ERC1: variants seen among roughly 807,000 people sequenced by gnomAD.
ERC1 encodes RAB6 interacting protein 2.
Under a neutral mutation model 132.0 loss-of-function variants are expected in ERC1, and 56 were observed. That is an observed-to-expected ratio of 0.42 (90% confidence interval 0.34 to 0.53). The LOEUF is 0.53. Ranked by LOEUF, ERC1 falls within the 20% of genes least tolerant of loss-of-function variation. The probability of loss-of-function intolerance (pLI) is 0.03; values close to 1 mark genes in which losing one functional copy is unlikely to be tolerated. For missense variants in ERC1, 1,202 were observed against 1,349.9 expected (o/e 0.89, Z 1.72); for synonymous variants, 478 against 476.1 (o/e 1.00, Z -0.05).
chr12:1,080,643 G>T (rs958565442), intron 2 of ERC1, among the ~76,000 whole-genome samples: 1 of 152,148 alleles, frequency 6.6e-6, no homozygotes, highest in African/African-American at 2.4e-5. Context: ...TAAGTCTCAC[G>T]AGATCTGATG....
At chr12:1,322,679 A>C (rs189336152) in intron 15 of ERC1, among the ~76,000 whole-genome samples, 1 of 152,228 alleles carries the variant, frequency 6.6e-6, no homozygotes, top group African/African-American at 2.4e-5. Flanking sequence ...TTCTCACCTG[A>C]TAAAATTTTC....
intron 2 of ERC1, among the ~76,000 whole-genome samples, chr12:1,058,390 C>G (rs1466161487): frequency 6.6e-6 from 1 of 152,018 alleles, no homozygotes; most frequent in African/African-American, 2.4e-5. Flanking sequence ...AGGTAGGGGT[C>G]TAATTTAATT....
intron 3 of ERC1, among the ~76,000 whole-genome samples, chr12:1,093,357 C>G (rs1275711907): frequency 2.6e-5 from 4 of 152,140 alleles, no homozygotes; most frequent in African/African-American, 9.7e-5. Context: ...GGGGACATCT[C>G]TTGGACAAAT....
chr12:1,337,489 A>C (rs1025349553), intron 15 of ERC1, among the ~76,000 whole-genome samples: 15 of 152,114 alleles, frequency 9.9e-5, no homozygotes, highest in African/African-American at 3.1e-4. Flanking sequence ...TTGGTTCTTT[A>C]TCTAGCTTGT....
At chr12:1,326,488 G>T (rs940601173) in intron 15 of ERC1, among the ~76,000 whole-genome samples, 4 of 152,204 alleles carry the variant, frequency 2.6e-5, no homozygotes, top group African/African-American at 9.6e-5. Context: ...TTTTGATCCT[G>T]CCTGATAGTA....
At chr12:1,440,390 T>C (rs1420694129) in intron 17 of ERC1, among the ~76,000 whole-genome samples, 3 of 150,556 alleles carry the variant, frequency 2.0e-5, no homozygotes, top group African/African-American at 2.5e-5. Flanking sequence ...GTATTTTTAG[T>C]AGAGACGGGG....
chr12:1,270,364 C>T (rs1315570498), intron 14 of ERC1, among the ~76,000 whole-genome samples: 13 of 152,202 alleles, frequency 8.5e-5, no homozygotes, highest in East Asian at 3.9e-4. Flanking sequence ...CCCACCACCA[C>T]GCCTGGCTAA....
chr12:1,489,966 T>C (rs1383908758), intron 18 of ERC1, 127 bp from the exon 19 acceptor site: 3 of 1,065,386 alleles, frequency 2.8e-6, no homozygotes, highest in Non-Finnish European at 4.1e-6. Flanking sequence ...ACTTTTCTTA[T>C]GGTTAATTTT....
chr12:1,220,552 G>A (rs1958880973), intron 12 of ERC1, among the ~76,000 whole-genome samples: 1 of 152,098 alleles, frequency 6.6e-6, no homozygotes, highest in African/African-American at 2.4e-5. Context: ...CAATTCTTTT[G>A]TACTTTGTGA....
At position 1,495,806 on chromosome 12, in the gene ERC1, T is replaced by A. The variant is rs963852413; in HGVS notation, c.*5576T>A. On this transcript the variant is annotated 3_prime_UTR_variant, in exon 19 of 19. Transcript: ENST00000360905. ...TGGAGTTGTGTTACTGACAGGATAA[T>A]GACATTACAAAGAAATTGTGTTATA... 3 of 214,954 alleles carry A rather than the reference T, an allele frequency of 1.4e-5. No individual in the cohort carries two copies. Among genetic ancestry groups the A allele is most frequent in the East Asian group, 6.9e-5 (1 of 14,458 alleles). The allele number at this position is 214,954 out of a possible 1,614,324, so 13.3% of individuals were successfully genotyped here. A position where few individuals can be genotyped will look rare whatever the true frequency, so the allele number is the denominator to read the frequency against.
chr12:1,313,081 C>T (rs906040354), intron 15 of ERC1, among the ~76,000 whole-genome samples: 4 of 152,110 alleles, frequency 2.6e-5, no homozygotes, highest in Admixed American at 2.0e-4. Context: ...GCTACAGTGG[C>T]TCCATGATAC....
intron 16 of ERC1, among the ~76,000 whole-genome samples, chr12:1,398,294 T>A (rs1246664258): frequency 6.6e-6 from 1 of 152,148 alleles, no homozygotes; most frequent in East Asian, 1.9e-4. Flanking sequence ...CAAATAGATT[T>A]TAGAGTTCAT....
intron 12 of ERC1, among the ~76,000 whole-genome samples, chr12:1,227,199 C>G (rs574414365): frequency 6.6e-6 from 1 of 152,160 alleles, no homozygotes; most frequent in East Asian, 1.9e-4. Flanking sequence ...TTTAGAGGAA[C>G]CTTCTTACCG....
chr12:1,357,825 A>G (rs1360672024), intron 15 of ERC1, among the ~76,000 whole-genome samples: 1 of 152,204 alleles, frequency 6.6e-6, no homozygotes, highest in East Asian at 1.9e-4. Context: ...TCATCTCTTG[A>G]GGCTCAAGCT....
chr12:1,105,547 T>C (rs375580424), intron 4 of ERC1, among the ~76,000 whole-genome samples: 10 of 151,886 alleles, frequency 6.6e-5, no homozygotes, highest in Non-Finnish European at 1.5e-4. Flanking sequence ...TTAGTAGAGA[T>C]GGGGTTTCAC....
chr12:1,464,431 A>G (rs1592215182), intron 18 of ERC1, among the ~76,000 whole-genome samples: 2 of 152,186 alleles, frequency 1.3e-5, no homozygotes, highest in South Asian at 4.1e-4. Flanking sequence ...ACCAGGTCTA[A>G]ATAAAACTGA....
intron 17 of ERC1, 41 bp from the exon 18 acceptor site, chr12:1,444,521 T>G: frequency 7.0e-7 from 1 of 1,434,368 alleles, no homozygotes; most frequent in Non-Finnish European, 9.6e-7. Context: ...GACCTTGACT[T>G]TCCTCATTTT....
chr12:1,383,421 G>C (rs1362559875), intron 16 of ERC1, among the ~76,000 whole-genome samples: 2 of 140,906 alleles, frequency 1.4e-5, no homozygotes, highest in Non-Finnish European at 3.2e-5. Flanking sequence ...CCAAAAATCT[G>C]TTCCTGCTGC....
intron 2 of ERC1, among the ~76,000 whole-genome samples, chr12:1,068,282 T>C (rs536029783): frequency 8.2e-6 from 1 of 122,556 alleles, no homozygotes; most frequent in Non-Finnish European, 1.9e-5. Context: ...GTTCAAGTTT[T>C]TCATCTTTAC....
Sources: allele counts gnomAD v4.1 joint callset (sites outside exome capture counted in the v4.1 genomes callset), GRCh38; gene constraint gnomAD v4.1.1; transcripts MANE v1.5; gene names NCBI Gene and HGNC (gene_info 2026-07-23, HGNC 2026-07-21).